DNAH17: variants seen among roughly 807,000 people sequenced by gnomAD.
DNAH17 encodes dynein axonemal heavy chain 17.
Under a neutral mutation model 485.6 loss-of-function variants are expected in DNAH17, and 376 were observed. The observed-to-expected ratio is 0.77, with a 90% CI of 0.71 to 0.84. The LOEUF is 0.84. Ranked by LOEUF, DNAH17 falls within the 40% of genes least tolerant of loss-of-function variation. The pLI is 0.00. For synonymous variants in DNAH17, 3,031 were observed against 2,405.9 expected, an observed-to-expected ratio of 1.26 and a Z score of -7.60; for missense variants, 6,370 against 5,839.3, an observed-to-expected ratio of 1.09 and a Z score of -2.96.
At chr17:78,494,871 C>CAG in intron 39 of DNAH17, 51 bp from the exon 40 acceptor site, 1 of 1,572,592 alleles carries the variant, frequency 6.4e-7, no homozygotes. Flanking sequence ...TTCCTGTGGC[C>CAG]AGCAGGCAGG....
At chr17:78,483,949 T>C (rs1304860775) in intron 48 of DNAH17, among the ~76,000 whole-genome samples, 2 of 151,434 alleles carry the variant, frequency 1.3e-5, no homozygotes, top group Admixed American at 6.6e-5. Flanking sequence ...GTACAAAAAT[T>C]AGCCGGCGTG....
At chr17:78,511,706 T>G (rs1048462039) in intron 26 of DNAH17, among the ~76,000 whole-genome samples, 2 of 152,240 alleles carry the variant, frequency 1.3e-5, no homozygotes, top group Non-Finnish European at 2.9e-5. Flanking sequence ...CACTGTGGAA[T>G]TTTAACCAAC....
intron 55 of DNAH17, among the ~76,000 whole-genome samples, chr17:78,467,958 C>T (rs2088556645): frequency 6.8e-6 from 1 of 147,528 alleles, no homozygotes; most frequent in Non-Finnish European, 1.5e-5. Context: ...GCAGAGGTTG[C>T]AGTGAGCTAA....
chr17:78,549,230 C>T (rs2091846005), intron 16 of DNAH17, among the ~76,000 whole-genome samples: 3 of 152,226 alleles, frequency 2.0e-5, no homozygotes, highest in Non-Finnish European at 4.4e-5. Context: ...AGAGTAGGGC[C>T]CACCCCTGAT....
chr17:78,425,451 G>A lies in DNAH17; in HGVS notation c.13036C>T (p.Pro4346Ser). 1 of 1,613,978 alleles carries A rather than the reference G, an allele frequency of 6.2e-7. No individual in the cohort carries two copies. Among genetic ancestry groups the A allele is most frequent in the Non-Finnish European group, 8.5e-7 (1 of 1,179,914 alleles). ...MQSMARKNEW[P>S]LDKMCLSVEV... ...ACAGACAGACACATCTTGTCCAGGG[G>A]CCACTCGTTCTTCCTGGCCATGGAC... The change falls in exon 80 of 81, where the codon CCC becomes TCC. Residue 4346 changes from proline to serine, a missense_variant. By Grantham distance (74) the Pro-to-Ser change is moderately conservative. Transcript: ENST00000389840.
intron 65 of DNAH17, among the ~76,000 whole-genome samples, chr17:78,453,128 T>C (rs540858383): frequency 1.3e-5 from 2 of 152,234 alleles, no homozygotes; most frequent in Non-Finnish European, 2.9e-5. Context: ...TGATAAAATG[T>C]TGGCGGAGAT....
chr17:78,434,571 C>T (rs2086797803), intron 74 of DNAH17, among the ~76,000 whole-genome samples: 1 of 151,914 alleles, frequency 6.6e-6, no homozygotes, highest in Admixed American at 6.6e-5. Context: ...ATCAACATTC[C>T]TCATCACTTA....
At chr17:78,568,924 A>T (rs900426972) in intron 9 of DNAH17, among the ~76,000 whole-genome samples, 1 of 152,192 alleles carries the variant, frequency 6.6e-6, no homozygotes, top group Non-Finnish European at 1.5e-5. Flanking sequence ...CCCGCTCATG[A>T]TAGGATGCAC....
intron 20 of DNAH17, among the ~76,000 whole-genome samples, chr17:78,531,337 C>CTTTTT (rs35874440): frequency 9.0e-5 from 11 of 122,358 alleles, no homozygotes; most frequent in African/African-American, 2.3e-4. Context: ...TAAAGTCTGT[C>CTTTTT]TTTTTTTTTT....
Position 78,468,680 on chromosome 17 carries a change from G to A in DNAH17, c.8715C>T (p.Gly2905=). The A allele has an allele frequency of 1.2e-6, 2 of 1,614,064 alleles. No homozygotes were observed. The highest frequency in any genetic ancestry group is 1.7e-6 in the Non-Finnish European group (2 of 1,179,912). Reference sequence around the variant, plus strand: ...AACATGTTTCCCGAGTGTCATTCATGCCAAGGGACTTGACTTGGGGTCGCA... The same window carrying A: ...AACATGTTTCCCGAGTGTCATTCATACCAAGGGACTTGACTTGGGGTCGCA... The part of the protein sequence containing the change: ...SSMRPQVKSL[G]MNDTRETCWK... The change falls in exon 55 of 81, where the codon GGC becomes GGT. Residue 2905 remains glycine, a synonymous_variant. Coordinates refer to ENST00000389840, the MANE Select transcript of DNAH17 (RefSeq NM_173628.4).
chr17:78,505,456 G>T lies in DNAH17; in HGVS notation c.4804-11C>A. On this transcript the variant is annotated splice_polypyrimidine_tract_variant and intron_variant, in intron 30 of 80. Coordinates refer to ENST00000389840, the MANE Select transcript of DNAH17 (RefSeq NM_173628.4). ...CAGGTGGCGGCTCACCTGGGAGGAG[G>T]CAAGAAGCGGGAATTATGCAACGGG... The T allele has an allele frequency of 6.2e-7, 1 of 1,613,896 alleles. No individual in the cohort carries two copies. Among genetic ancestry groups the T allele is most frequent in the Non-Finnish European group, 8.5e-7 (1 of 1,179,830 alleles).
At chr17:78,564,899 C>A (rs2092236462) in intron 11 of DNAH17, among the ~76,000 whole-genome samples, 1 of 151,778 alleles carries the variant, frequency 6.6e-6, no homozygotes, top group Non-Finnish European at 1.5e-5. Flanking sequence ...AGTGAGGACC[C>A]TGCAACTAGA....
At chr17:78,480,035 TTTTTTTTTTTTTTTAA>T (rs2089281045) in intron 49 of DNAH17, among the ~76,000 whole-genome samples, 1 of 86,426 alleles carries the variant, frequency 1.2e-5, no homozygotes, top group Non-Finnish European at 2.1e-5. Flanking sequence ...TTTTTTTTTT[TTTTTTTTTTTTTTTAA>T]AAAAAGTATG....
intron 16 of DNAH17, among the ~76,000 whole-genome samples, chr17:78,546,577 T>C (rs547281237): frequency 6.6e-6 from 1 of 152,312 alleles, no homozygotes; most frequent in East Asian, 1.9e-4. Flanking sequence ...GCCATTAAGT[T>C]TATTAAGTCT....
In DNAH17 at chr17:78,491,486, G is replaced by C; in HGVS notation, c.6626C>G (p.Pro2209Arg). The change falls in exon 43 of 81, where the codon CCC becomes CGC. Residue 2209 changes from proline (P) to arginine (R), a missense_variant. Transcript: ENST00000389840. ...TGTGTTGAGAGACTCGATCCACATG[G>C]GGTCTATGTCTCCGTCAAGGATGAT... The part of the protein sequence containing the change: ...KWIILDGDID[P>R]MWIESLNTVM... 6.2e-7 allele frequency: 1 copy of C among 1,613,518 alleles called. No individual in the cohort carries two copies. The highest frequency in any genetic ancestry group is 8.5e-7 in the Non-Finnish European group (1 of 1,179,752).
chr17:78,510,587 G>A, intron 26 of DNAH17, 81 bp from the exon 27 acceptor site: 10 of 1,570,808 alleles, frequency 6.4e-6, no homozygotes, highest in Non-Finnish European at 8.7e-6. Context: ...CCTTCATGGA[G>A]AGCCATTGCC....
intron 68 of DNAH17, chr17:78,449,938 A>T (rs2146489981): frequency 2.2e-6 from 1 of 455,414 alleles, no homozygotes; most frequent in Non-Finnish European, 4.0e-6. Flanking sequence ...GGCCCCCCAT[A>T]GTGCTGAGAT....
chr17:78,538,353 G>A (rs2091434159), intron 18 of DNAH17, among the ~76,000 whole-genome samples: 1 of 152,116 alleles, frequency 6.6e-6, no homozygotes, highest in Non-Finnish European at 1.5e-5. Flanking sequence ...TACAGTGATG[G>A]GATTGAGAAC....
chr17:78,444,382 G>A (rs571800810), intron 71 of DNAH17, among the ~76,000 whole-genome samples: 7 of 152,306 alleles, frequency 4.6e-5, no homozygotes, highest in South Asian at 2.1e-4. Flanking sequence ...ACTCAGGACT[G>A]GAGTCCGCAG....
Sources: allele counts gnomAD v4.1 joint callset (sites outside exome capture counted in the v4.1 genomes callset), GRCh38; gene constraint gnomAD v4.1.1; transcripts MANE v1.5; gene names NCBI Gene and HGNC (gene_info 2026-07-23, HGNC 2026-07-21).